GRM8: variants seen among roughly 807,000 people sequenced by gnomAD.
The protein encoded by GRM8 is glutamate metabotropic receptor 8, also known as metabotropic glutamate receptor 8.
A neutral mutation model predicts 87.2 loss-of-function variants in GRM8; 47 were observed. The observed-to-expected ratio is 0.54, with a 90% CI of 0.43 to 0.69. The LOEUF (loss-of-function observed/expected upper bound fraction) is 0.69, where lower values mean the gene tolerates loss of function less well. Ranked by LOEUF, GRM8 falls within the 30% of genes least tolerant of loss-of-function variation. GRM8 has a pLI of 0.00. For synonymous variants in GRM8, 396 were observed against 404.5 expected, an observed-to-expected ratio of 0.98 and a Z score of 0.25; for missense variants, 1,019 against 1,139.2, an observed-to-expected ratio of 0.89 and a Z score of 1.52.
rs796211038 is a variant in GRM8, at chr7:126,691,635, C to T, written c.1357+78230G>A. On this transcript the variant is annotated intron_variant, in intron 7 of 10. Transcript: ENST00000339582. ...CATTAGAGCTGGCCAGAAGAACCAA[C>T]ACTTTAGTAATGAGTTAAGACAATA... is the stretch of plus-strand genomic sequence containing the variant. Among the ~76,000 whole-genome samples the T allele has an allele frequency of 1.5e-4, 23 of 152,288 alleles. 1 individual carries two copies. Among genetic ancestry groups the T allele is most frequent in the African/African-American group, 5.5e-4 (23 of 41,568 alleles).
intron 3 of GRM8, among the ~76,000 whole-genome samples, chr7:126,990,027 A>C (rs1346980865): frequency 6.6e-6 from 1 of 152,154 alleles, no homozygotes; most frequent in Non-Finnish European, 1.5e-5. Flanking sequence ...TAAAACCTTA[A>C]AGAGAAGTAA....
intron 3 of GRM8, among the ~76,000 whole-genome samples, chr7:126,944,895 T>C (rs1191995210): frequency 6.6e-6 from 1 of 152,214 alleles, no homozygotes; most frequent in Non-Finnish European, 1.5e-5. Context: ...ACTTCAATAA[T>C]AATCAGAGAA....
At chr7:126,671,131 T>C (rs1806336173) in intron 7 of GRM8, among the ~76,000 whole-genome samples, 1 of 152,224 alleles carries the variant, frequency 6.6e-6, no homozygotes, top group Non-Finnish European at 1.5e-5. Flanking sequence ...ACTGGCCTCA[T>C]ACCCTTGTCC....
At chr7:126,515,930 C>T (rs566573793) in intron 9 of GRM8, among the ~76,000 whole-genome samples, 1 of 152,104 alleles carries the variant, frequency 6.6e-6, no homozygotes, top group South Asian at 2.1e-4. Flanking sequence ...GGCCCTTATT[C>T]TGCTTAACAC....
Position 126,685,274 on chromosome 7 carries a change from A to G in GRM8, c.1358-75776T>C, listed in dbSNP as rs1585515465. ...GGGCCAAGTTGCCTACAGGCAGGGG[A>G]ACAATGTGGTTGGGCACAGAGGGGT... is the stretch of plus-strand genomic sequence containing the variant. On this transcript the variant is annotated intron_variant, in intron 7 of 10. Transcript: ENST00000339582. This position sits in a 1 kb window ranked among gnomAD's most constrained non-coding sequence, Gnocchi z 4.2. Among the ~76,000 whole-genome samples, 1 of 152,068 alleles carries G rather than the reference A, an allele frequency of 6.6e-6. No individual in the cohort carries two copies. Among genetic ancestry groups the G allele is most frequent in the Non-Finnish European group, 1.5e-5 (1 of 67,976 alleles).
chr7:126,593,778 A>G (rs1585156363), intron 8 of GRM8, among the ~76,000 whole-genome samples: 3 of 152,096 alleles, frequency 2.0e-5, no homozygotes, highest in Admixed American at 2.0e-4. Flanking sequence ...GCTTCTGCAC[A>G]GTAAAGGAAA....
At chr7:126,906,367 G>A (rs1802674215) in intron 3 of GRM8, among the ~76,000 whole-genome samples, 1 of 152,148 alleles carries the variant, frequency 6.6e-6, no homozygotes, top group Admixed American at 6.5e-5. Context: ...CCAGGCTAGA[G>A]TGCAGTGGCC....
intron 7 of GRM8, among the ~76,000 whole-genome samples, chr7:126,668,245 GT>G (rs1484037360): frequency 6.6e-6 from 1 of 152,050 alleles, no homozygotes; most frequent in Non-Finnish European, 1.5e-5. Context: ...CATTCAAACT[GT>G]TTGTGAGCCT....
chr7:126,566,986 A>G (rs1794272837), intron 8 of GRM8, among the ~76,000 whole-genome samples: 2 of 152,178 alleles, frequency 1.3e-5, no homozygotes, highest in African/African-American at 2.4e-5. Flanking sequence ...TTGGTCTCAT[A>G]GAAGTTAAGT....
chr7:126,537,027 A>G (rs1371597296), intron 8 of GRM8, among the ~76,000 whole-genome samples: 1 of 152,216 alleles, frequency 6.6e-6, no homozygotes, highest in Non-Finnish European at 1.5e-5. Flanking sequence ...TTCATTACAT[A>G]GGATAACTAT....
intron 2 of GRM8, among the ~76,000 whole-genome samples, chr7:127,115,367 T>C (rs1021432639): frequency 6.6e-6 from 1 of 152,176 alleles, no homozygotes; most frequent in African/African-American, 2.4e-5. Flanking sequence ...TATTACTCTT[T>C]CATAATTTGA....
chr7:127,219,745 G>T (rs1333365264), intron 2 of GRM8: 1 of 152,134 alleles, frequency 6.6e-6, no homozygotes, highest in Non-Finnish European at 1.5e-5. Flanking sequence ...AGAGTCCATT[G>T]CCATGCTAGC....
intron 9 of GRM8, among the ~76,000 whole-genome samples, chr7:126,508,500 C>T (rs1447275416): frequency 1.3e-5 from 2 of 152,052 alleles, no homozygotes; most frequent in Non-Finnish European, 2.9e-5. Flanking sequence ...AATACTGTTA[C>T]TTTGGCAATT....
chr7:126,513,367 C>T (rs1245752454), intron 9 of GRM8, among the ~76,000 whole-genome samples: 7 of 151,978 alleles, frequency 4.6e-5, no homozygotes, highest in Admixed American at 3.9e-4. Context: ...AAACACTACA[C>T]GGATATTTCA....
At chr7:126,769,077 G>A (rs1427498424) in intron 7 of GRM8, among the ~76,000 whole-genome samples, 4 of 152,018 alleles carry the variant, frequency 2.6e-5, no homozygotes, top group Admixed American at 6.6e-5. Flanking sequence ...CATGTCCATT[G>A]TATGGATTAA....
At chr7:126,635,511 A>AT (rs1434996060) in intron 7 of GRM8, among the ~76,000 whole-genome samples, 1 of 152,128 alleles carries the variant, frequency 6.6e-6, no homozygotes, top group Non-Finnish European at 1.5e-5. Context: ...TAATGCAGTT[A>AT]TTTGTTCCTG....
intron 2 of GRM8, among the ~76,000 whole-genome samples, chr7:127,231,056 C>T (rs935148828): frequency 1.3e-5 from 2 of 152,128 alleles, no homozygotes; most frequent in East Asian, 3.9e-4. Flanking sequence ...ACATTGATGG[C>T]TTAGAGTCTT....
intron 8 of GRM8, among the ~76,000 whole-genome samples, chr7:126,539,849 T>C (rs1457007823): frequency 6.6e-6 from 1 of 151,970 alleles, no homozygotes; most frequent in Non-Finnish European, 1.5e-5. Flanking sequence ...TAAAAACTCA[T>C]AGAAGAAAAC....
intron 6 of GRM8, among the ~76,000 whole-genome samples, chr7:126,890,889 A>G (rs945097471): frequency 6.6e-6 from 1 of 151,980 alleles, no homozygotes; most frequent in Admixed American, 6.6e-5. Context: ...TCCACTCCAC[A>G]TACTTTCTGG....
Sources: allele counts gnomAD v4.1 joint callset (sites outside exome capture counted in the v4.1 genomes callset), GRCh38; gene constraint gnomAD v4.1.1; non-coding constraint Gnocchi (gnomAD v3.1); transcripts MANE v1.5; gene names NCBI Gene and HGNC (gene_info 2026-07-23, HGNC 2026-07-21).